Variants in SNX19 observed in about 807,000 individuals in gnomAD.
SNX19 encodes the protein sorting nexin 19.
SNX19 carries 60 observed loss-of-function variants against 85.2 expected under a neutral mutation model. The ratio of observed to expected loss-of-function variants is 0.70; its 90% CI spans 0.57 to 0.87. The LOEUF is 0.87. SNX19 is among the 40% of genes least tolerant of loss of function. SNX19 has a pLI of 0.00. For synonymous variants in SNX19, 520 were observed against 470.0 expected (o/e 1.11, Z -1.38); for missense variants, 1,201 against 1,217.8 (o/e 0.99, Z 0.21).
intron 5 of SNX19, 76 bp from the exon 6 acceptor site, chr11:130,906,797 G>T: frequency 9.9e-7 from 1 of 1,009,436 alleles, no homozygotes; most frequent in Non-Finnish European, 1.6e-6. Context: ...GGCAAGTACT[G>T]ATAATAAAAC....
Position 130,876,968 on chromosome 11 carries a change from A to C in SNX19, c.*1454T>G. ...CCTCCAGAGGGGCAAAAAAGTAAAA[A>C]GATTTTACAACTTTCTTCCACAAAC... is the stretch of plus-strand genomic sequence containing the variant. On this transcript the variant is annotated 3_prime_UTR_variant, in exon 11 of 11. Coordinates refer to ENST00000265909, the MANE Select transcript of SNX19 (RefSeq NM_014758.3). 6.6e-6 allele frequency: 1 copy of C among 152,374 alleles called. No individual in the cohort carries two copies. The highest frequency in any genetic ancestry group is 3.4e-3 in the Middle Eastern group (1 of 294). 9.4% of individuals were successfully genotyped at this position (152,374 alleles called of 1,614,324 possible).
At chr11:130,902,193 G>A (rs932238036) in intron 8 of SNX19, among the ~76,000 whole-genome samples, 18 of 152,160 alleles carry the variant, frequency 1.2e-4, no homozygotes, top group Non-Finnish European at 2.2e-4. Context: ...TGTAAAATGG[G>A]GCTACCTACC....
In SNX19 at chr11:130,875,920, C is replaced by T. The variant is rs1397390334; in HGVS notation, c.*2502G>A. On this transcript the variant is annotated 3_prime_UTR_variant, in exon 11 of 11. Coordinates refer to ENST00000265909, the MANE Select transcript of SNX19 (RefSeq NM_014758.3). ...ATTTTCCATTTAGGTTTTATTAAGT[C>T]TAATCCAACAATGCAAAAATGAAAC... The T allele has an allele frequency of 6.6e-6, 1 of 152,120 alleles. No homozygotes were observed. The highest frequency in any genetic ancestry group is 1.5e-5 in the Non-Finnish European group (1 of 68,032). 9.4% of individuals were successfully genotyped at this position (152,120 alleles called of 1,614,324 possible). A position where few individuals can be genotyped will look rare whatever the true frequency, so the allele number is the denominator to read the frequency against.
chr11:130,891,077 T>G (rs7105290), intron 8 of SNX19, among the ~76,000 whole-genome samples: 1 of 152,102 alleles, frequency 6.6e-6, no homozygotes, highest in East Asian at 1.9e-4. Context: ...AGCAAAAACA[T>G]TGAGCTCTTA....
intron 8 of SNX19, among the ~76,000 whole-genome samples, chr11:130,886,593 A>G (rs980959804): frequency 1.3e-5 from 2 of 152,188 alleles, no homozygotes; most frequent in African/African-American, 2.4e-5. Context: ...GTCCTAGCAC[A>G]TAAGTATGAG....
In SNX19 at chr11:130,874,532, G is replaced by C. The variant is rs905926143; in HGVS notation, c.*3890C>G. On this transcript the variant is annotated 3_prime_UTR_variant, in exon 11 of 11. Coordinates refer to ENST00000265909, the MANE Select transcript of SNX19 (RefSeq NM_014758.3). ...GGAAAGAATTCAGGCCCCTTAAGAG[G>C]TCTCAGAGTTGCTGAATCACCAAAC... Among the ~76,000 whole-genome samples, 1 of 152,178 alleles carries C rather than the reference G, an allele frequency of 6.6e-6. No homozygotes were observed. Among genetic ancestry groups the C allele is most frequent in the African/African-American group, 2.4e-5 (1 of 41,432 alleles).
rs1299005206 is a variant in SNX19, at chr11:130,877,612, G to A, written c.*810C>T. The A allele has an allele frequency of 6.6e-6, 1 of 152,522 alleles. No individual in the cohort carries two copies. Among genetic ancestry groups the A allele is most frequent in the African/African-American group, 2.4e-5 (1 of 41,436 alleles). The allele number at this position is 152,522 out of a possible 1,614,324, so 9.4% of individuals were successfully genotyped here. ...CAGTTTTGCTGAAGACAGAGAGAGG[G>A]TCAAAAATTCAAAAACTCAATTGCT... On this transcript the variant is annotated 3_prime_UTR_variant, in exon 11 of 11. Coordinates refer to ENST00000265909, the MANE Select transcript of SNX19 (RefSeq NM_014758.3).
intron 8 of SNX19, among the ~76,000 whole-genome samples, chr11:130,886,327 G>C (rs1171260439): frequency 6.6e-6 from 1 of 152,126 alleles, no homozygotes; most frequent in Non-Finnish European, 1.5e-5. Context: ...ATGCATATGT[G>C]TGTATGCGCC....
chr11:130,908,219 A>T (rs1256931161), intron 4 of SNX19, 136 bp from the exon 5 acceptor site: 1 of 921,062 alleles, frequency 1.1e-6, no homozygotes, highest in Non-Finnish European at 1.5e-6. Flanking sequence ...CTTATCCAGT[A>T]GGAAGGTCGA....
chr11:130,879,017 C>A (rs1943458566), intron 10 of SNX19, among the ~76,000 whole-genome samples: 1 of 152,210 alleles, frequency 6.6e-6, no homozygotes, highest in African/African-American at 2.4e-5. Context: ...CAAGGTTACT[C>A]AATACTTCCA....
chr11:130,907,295 T>C (rs1416434263), intron 5 of SNX19, among the ~76,000 whole-genome samples: 1 of 152,164 alleles, frequency 6.6e-6, no homozygotes, highest in Non-Finnish European at 1.5e-5. Context: ...GAGTCTGTTA[T>C]TGCTGGCCCA....
chr11:130,879,564 C>T, intron 10 of SNX19, 60 bp downstream of exon 10: 1 of 1,445,994 alleles, frequency 6.9e-7, no homozygotes, highest in African/African-American at 1.4e-5. Flanking sequence ...ACCTTGGATA[C>T]CTCTGAGACC....
rs4937585 is a variant in SNX19, at chr11:130,872,045, A to G, written c.*6377T>C. ...TTTAATTCTCCCCTCCTAAGCTTCCACATCCCAGAGATGGTGTGCTGGGGG... is the reference window on the plus strand; with the variant it reads ...TTTAATTCTCCCCTCCTAAGCTTCCGCATCCCAGAGATGGTGTGCTGGGGG... On this transcript the variant is annotated 3_prime_UTR_variant, in exon 11 of 11. Transcript: ENST00000265909. Among the ~76,000 whole-genome samples the G allele has an allele frequency of 0.44, 66,470 of 151,922 alleles. 14,831 individuals are homozygous for G. Among genetic ancestry groups the G allele is most frequent in the South Asian group, 0.56 (2,694 of 4,798 alleles).
chr11:130,884,053 T>C (rs1943878861), intron 8 of SNX19, among the ~76,000 whole-genome samples: 1 of 152,214 alleles, frequency 6.6e-6, no homozygotes, highest in South Asian at 2.1e-4. Flanking sequence ...CAACTGCCAC[T>C]GGTTCTTGAG....
At position 130,914,959 on chromosome 11, in the gene SNX19, T is replaced by C. The variant is rs746985916; in HGVS notation, c.981A>G (p.Pro327=). The stretch of plus-strand genomic sequence containing the variant: ...CAGCTTCGTGGCCTTCTTCAACCTC[T>C]GGAGAGGGGCCTGCAGAACCCTCTG... ...SEPEGSAGPS[P]EVEEGHEAVE... is the part of the protein sequence containing the mutation. Residue 327 remains proline (P), a synonymous_variant, in exon 1 of 11, where the codon CCA becomes CCG. Coordinates refer to ENST00000265909, the MANE Select transcript of SNX19 (RefSeq NM_014758.3). 2.5e-6 allele frequency: 4 copies of C among 1,614,176 alleles called. No homozygotes were observed. Among genetic ancestry groups the C allele is most frequent in the Non-Finnish European group, 2.5e-6 (3 of 1,180,026 alleles).
At chr11:130,880,900 TG>T in intron 8 of SNX19, 94 bp from the exon 9 acceptor site, 1 of 1,113,746 alleles carries the variant, frequency 9.0e-7, no homozygotes, top group Non-Finnish European at 1.3e-6. Context: ...TGCAGATTCG[TG>T]TGTCAAAATC....
Position 130,905,933 on chromosome 11 carries a change from G to C in SNX19, c.2443+20C>G, listed in dbSNP as rs771356948. On this transcript the variant is annotated intron_variant, in intron 7 of 10. Coordinates refer to ENST00000265909, the MANE Select transcript of SNX19 (RefSeq NM_014758.3). ...CACCCTGGCTCCCTTCTCCATGGGA[G>C]CAGAGACCTCGCCACTCACCTGGAT... is the stretch of plus-strand genomic sequence containing the variant. 6.2e-7 allele frequency: 1 copy of C among 1,614,212 alleles called. No homozygotes were observed. Among genetic ancestry groups the C allele is most frequent in the East Asian group, 2.2e-5 (1 of 44,886 alleles).
chr11:130,909,350 G>T (rs984474377), intron 4 of SNX19, among the ~76,000 whole-genome samples: 1 of 152,212 alleles, frequency 6.6e-6, no homozygotes, highest in African/African-American at 2.4e-5. Flanking sequence ...GCCTAGATGA[G>T]AAGAGGGAGG....
chr11:130,910,128 C>G lies in SNX19; in HGVS notation c.1924G>C (p.Ala642Pro). The G allele has an allele frequency of 6.2e-7, 1 of 1,614,148 alleles. No homozygotes were observed. Among genetic ancestry groups the G allele is most frequent in the South Asian group, 1.1e-5 (1 of 91,082 alleles). The change falls in exon 4 of 11, where the codon GCC becomes CCC. Residue 642 changes from alanine to proline, a missense_variant. Physicochemically the swap from Ala to Pro is conservative, Grantham distance 27. Around this residue, in one of 3 missense-constraint regions of SNX19, gnomAD observed 125 missense variants for 171.6 expected, o/e 0.73. Transcript: ENST00000265909. ...TCACTGTTAGCGATCTCCGGAATGG[C>G]ACAGAGTTGCTGCAAAAGTAAAACA... ...LLESFLKQLCAIPEIANSEEV... is the reference protein window; with the variant it reads ...LLESFLKQLCPIPEIANSEEV...
Sources: gnomAD v4.1 joint callset for allele counts (sites outside exome capture counted in the v4.1 genomes callset) on GRCh38, gnomAD v4.1.1 for gene constraint, gnomAD v4.1.1 regional missense constraint, MANE v1.5 for transcripts, NCBI Gene and HGNC (gene_info 2026-07-23, HGNC 2026-07-21) for gene names.